Variants in SDC2 observed in about 807,000 individuals in gnomAD.
SDC2 encodes syndecan-2.
A neutral mutation model predicts 22.2 loss-of-function variants in SDC2; 13 were observed. The ratio of observed to expected loss-of-function variants is 0.59; its 90% CI spans 0.38 to 0.93. The LOEUF is 0.93. Ranked by LOEUF, SDC2 falls within the 40% of genes least tolerant of loss-of-function variation. The probability of loss-of-function intolerance (pLI) is 0.00; values close to 1 mark genes in which losing one functional copy is unlikely to be tolerated. For missense variants in SDC2, 235 were observed against 246.8 expected, an observed-to-expected ratio of 0.95 and a Z score of 0.32; for synonymous variants, 94 against 92.8, an observed-to-expected ratio of 1.01 and a Z score of -0.07.
chr8:96,520,161 TA>T (rs1237891351), intron 1 of SDC2, among the ~76,000 whole-genome samples: 2 of 152,352 alleles, frequency 1.3e-5, no homozygotes, highest in African/African-American at 2.4e-5. Flanking sequence ...TTTTTACTTT[TA>T]AAAGTATATA....
At chr8:96,527,178 G>T (rs771417178) in intron 1 of SDC2, among the ~76,000 whole-genome samples, 1 of 152,180 alleles carries the variant, frequency 6.6e-6, no homozygotes, top group Non-Finnish European at 1.5e-5. Context: ...GCCTATTGAC[G>T]TGGTGGGAAG....
At chr8:96,574,586 A>T (rs952789581) in intron 1 of SDC2, among the ~76,000 whole-genome samples, 2 of 152,196 alleles carry the variant, frequency 1.3e-5, no homozygotes, top group African/African-American at 4.8e-5. Context: ...CCATTAGCTG[A>T]AATAACAGCC....
chr8:96,580,391 C>T (rs1814570602), intron 1 of SDC2: 1 of 985,312 alleles, frequency 1.0e-6, no homozygotes, highest in South Asian at 4.7e-5. Flanking sequence ...TATGTCCAGT[C>T]AAAGGGATAA....
intron 1 of SDC2, among the ~76,000 whole-genome samples, chr8:96,556,612 C>G (rs1814118013): frequency 6.6e-6 from 1 of 151,736 alleles, no homozygotes; most frequent in Admixed American, 6.6e-5. Context: ...ACACCTTATA[C>G]AAAAATCAAT....
intron 1 of SDC2, among the ~76,000 whole-genome samples, chr8:96,590,928 G>A (rs1814770209): frequency 6.6e-6 from 1 of 152,158 alleles, no homozygotes; most frequent in Non-Finnish European, 1.5e-5. Context: ...GTGGCTGAGG[G>A]TAAGCCAGCT....
chr8:96,595,749 A>C (rs1369923484), intron 2 of SDC2, among the ~76,000 whole-genome samples: 1 of 152,226 alleles, frequency 6.6e-6, no homozygotes, highest in South Asian at 2.1e-4. Flanking sequence ...GGACAGTCTT[A>C]GCAAATCAAC....
chr8:96,588,036 C>T (rs1001758629), intron 1 of SDC2, among the ~76,000 whole-genome samples: 8 of 152,146 alleles, frequency 5.3e-5, no homozygotes, highest in Non-Finnish European at 8.8e-5. Context: ...ATGCCTGGCA[C>T]GTAATAAACA....
At chr8:96,526,019 C>T (rs1020101270) in intron 1 of SDC2, among the ~76,000 whole-genome samples, 22 of 152,084 alleles carry the variant, frequency 1.4e-4, no homozygotes, top group Admixed American at 1.4e-3. Flanking sequence ...GGAGGCTTAT[C>T]AAAGCTAAGC....
chr8:96,581,971 C>CAG (rs1814597198), intron 1 of SDC2, among the ~76,000 whole-genome samples: 1 of 152,208 alleles, frequency 6.6e-6, no homozygotes, highest in South Asian at 2.1e-4. Context: ...TGAGATGGCA[C>CAG]AGGTCACGTG....
intron 1 of SDC2, among the ~76,000 whole-genome samples, chr8:96,499,333 C>A (rs778965953): frequency 3.4e-4 from 52 of 152,198 alleles, no homozygotes; most frequent in Non-Finnish European, 6.0e-4. Context: ...CTCAGACTTA[C>A]ACAATCAGAA....
At position 96,494,197 on chromosome 8, in the gene SDC2, G is replaced by C; in HGVS notation, c.-75G>C. The C allele has an allele frequency of 6.9e-7, 1 of 1,443,068 alleles. No homozygotes were observed. The highest frequency in any genetic ancestry group is 9.4e-7 in the Non-Finnish European group (1 of 1,065,878). 89.4% of individuals were successfully genotyped at this position (1,443,068 alleles called of 1,614,324 possible). Reference sequence around the variant, plus strand: ...CTCCGGATTCGTGTGCGCGGGCTGCGCCGAGCGCTGGGCAGGAGGCTTCGT... The same window carrying C: ...CTCCGGATTCGTGTGCGCGGGCTGCCCCGAGCGCTGGGCAGGAGGCTTCGT... On this transcript the variant is annotated 5_prime_UTR_variant, in exon 1 of 5. Coordinates refer to ENST00000302190, the MANE Select transcript of SDC2 (RefSeq NM_002998.4).
chr8:96,543,456 A>G (rs1479714355), intron 1 of SDC2, among the ~76,000 whole-genome samples: 1 of 152,224 alleles, frequency 6.6e-6, no homozygotes, highest in Non-Finnish European at 1.5e-5. Flanking sequence ...TAATTCCTTC[A>G]TATTTGTTAA....
At chr8:96,540,617 C>T (rs1036047226) in intron 1 of SDC2, among the ~76,000 whole-genome samples, 18 of 152,124 alleles carry the variant, frequency 1.2e-4, no homozygotes, top group African/African-American at 4.3e-4. Context: ...AGAGGCCTCC[C>T]TCCCCAACAC....
chr8:96,609,738 T>A lies in SDC2; in HGVS notation c.*190T>A. ...AACAACATAAAATTAAAATTTAACA[T>A]CTGCAGTGTTCTGTGAATAGCAGTG... On this transcript the variant is annotated 3_prime_UTR_variant, in exon 5 of 5. Transcript: ENST00000302190. 2.4e-6 allele frequency: 1 copy of A among 424,524 alleles called. No homozygotes were observed. The highest frequency in any genetic ancestry group is 4.1e-6 in the Non-Finnish European group (1 of 244,456). 26.3% of individuals were successfully genotyped at this position (424,524 alleles called of 1,614,324 possible).
intron 1 of SDC2, among the ~76,000 whole-genome samples, chr8:96,550,434 A>G (rs1324331491): frequency 6.6e-6 from 1 of 152,146 alleles, no homozygotes; most frequent in African/African-American, 2.4e-5. Flanking sequence ...GGGACACTCA[A>G]CCCGTTTAAT....
At chr8:96,504,488 CTT>C (rs1813209856) in intron 1 of SDC2, among the ~76,000 whole-genome samples, 1 of 152,174 alleles carries the variant, frequency 6.6e-6, no homozygotes, top group South Asian at 2.1e-4. Flanking sequence ...TGAGAAGTCT[CTT>C]ATCATCTCCA....
chr8:96,584,343 C>A (rs1814645600), intron 1 of SDC2, among the ~76,000 whole-genome samples: 1 of 152,214 alleles, frequency 6.6e-6, no homozygotes, highest in African/African-American at 2.4e-5. Context: ...ATTCTGTCAG[C>A]CCTTGTATAG....
intron 1 of SDC2, among the ~76,000 whole-genome samples, chr8:96,545,135 G>T (rs1021684592): frequency 2.0e-5 from 3 of 152,212 alleles, no homozygotes; most frequent in African/African-American, 7.2e-5. Flanking sequence ...TTAGCTGAGA[G>T]AACAGGTTTT....
rs1472502555 is a variant in SDC2, at chr8:96,610,774, G to A, written c.*1226G>A. On this transcript the variant is annotated 3_prime_UTR_variant, in exon 5 of 5. Transcript: ENST00000302190. The stretch of plus-strand genomic sequence containing the variant: ...ACAGTGTCTGTAAATCAAGACCAAA[G>A]AGCCTGTCGATGAGACTGTTTATTA... 1 of 152,622 alleles carries A rather than the reference G, an allele frequency of 6.6e-6. No individual in the cohort carries two copies. Among genetic ancestry groups the A allele is most frequent in the Non-Finnish European group, 1.5e-5 (1 of 68,038 alleles). 9.5% of individuals were successfully genotyped at this position (152,622 alleles called of 1,614,324 possible).
Sources: allele counts gnomAD v4.1 joint callset (sites outside exome capture counted in the v4.1 genomes callset), GRCh38; gene constraint gnomAD v4.1.1; transcripts MANE v1.5; gene names NCBI Gene and HGNC (gene_info 2026-07-23, HGNC 2026-07-21).